TMEM44: variants seen among roughly 807,000 people sequenced by gnomAD.
TMEM44 encodes the protein transmembrane protein 44.
TMEM44 carries 43 observed loss-of-function variants against 47.8 expected under a neutral mutation model. The ratio of observed to expected loss-of-function variants is 0.90; its 90% CI spans 0.70 to 1.16. The LOEUF is 1.16. Among genes scored for constraint, TMEM44 ranks in the 50% most tolerant of loss-of-function variants. The pLI is 0.00. For synonymous variants in TMEM44, 277 were observed against 238.8 expected (o/e 1.16, Z -1.48); for missense variants, 568 against 555.2 (o/e 1.02, Z -0.23).
rs59376816 is a variant in TMEM44 at position 194,599,590 on chromosome 3, T to TC, written c.1176+4696_1176+4697insG. 3.5e-3 allele frequency among the ~76,000 whole-genome samples: 477 copies of TC among 137,782 alleles called. 7 individuals are homozygous for TC. The highest frequency in any genetic ancestry group is 0.013 in the African/African-American group (449 of 33,938). 90.4% of individuals were successfully genotyped at this position (137,782 alleles called of 152,430 possible). On this transcript the variant is annotated intron_variant, in intron 9 of 9. Transcript: ENST00000347147. ...TTTTCATTTTCTTTTTCTTTTCTTTTTTTTTTTTTTTTGAGACAGAGTCTC... is the reference window on the plus strand; with the variant it reads ...TTTTCATTTTCTTTTTCTTTTCTTTTCTTTTTTTTTTTTGAGACAGAGTCTC...
chr3:194,610,917 T>C lies in TMEM44; in HGVS notation c.1016A>G (p.Gln339Arg), dbSNP rs185040860. 2.4e-4 allele frequency: 388 copies of C among 1,613,170 alleles called. 3 individuals are homozygous for C. In the African/African-American group the frequency reaches 4.8e-3, roughly 20 times the overall value. Residue 339 changes from glutamine (Q) to arginine (R), a missense_variant and splice_region_variant, in exon 8 of 10, where the codon CAG (glutamine) becomes CGG (arginine). Transcript: ENST00000347147. ...YMELTIEPVQQAGCSATRLPG... is the reference protein window; with the variant it reads ...YMELTIEPVQRAGCSATRLPG... ...TGGCCATGACCGATGGCCACTCACCTGCTGCACAGGCTCGATGGTCAGCTC... is the reference window on the plus strand; with the variant it reads ...TGGCCATGACCGATGGCCACTCACCCGCTGCACAGGCTCGATGGTCAGCTC...
chr3:194,633,267 C>T lies in TMEM44; in HGVS notation c.-52G>A. ...CCGGGGACCTGGGCGCAGCCTCCCT[C>T]GCCGCGGGCAAGCCCCGAGCGCCGC... On this transcript the variant is annotated 5_prime_UTR_variant, in exon 1 of 10. Transcript: ENST00000347147. 1 of 1,008,822 alleles carries T rather than the reference C, an allele frequency of 9.9e-7. No homozygotes were observed. The highest frequency in any genetic ancestry group is 6.2e-5 in the East Asian group (1 of 16,002). 62.5% of individuals were successfully genotyped at this position (1,008,822 alleles called of 1,614,324 possible). A position where few individuals can be genotyped will look rare whatever the true frequency, so the allele number is the denominator to read the frequency against.
Position 194,623,206 on chromosome 3 carries a change from C to T in TMEM44, c.612+18G>A, listed in dbSNP as rs753084529. On this transcript the variant is annotated intron_variant, in intron 5 of 9. Transcript: ENST00000347147. ...ACTGTCATGTGACCCACAGTCCCAT[C>T]CCCACCCCCGGCCTCACAATTCTGG... 6.3e-7 allele frequency: 1 copy of T among 1,594,382 alleles called. No individual in the cohort carries two copies. Among genetic ancestry groups the T allele is most frequent in the Non-Finnish European group, 8.5e-7 (1 of 1,169,796 alleles).
intron 7 of TMEM44, among the ~76,000 whole-genome samples, chr3:194,614,156 A>C (rs1265171198): frequency 6.6e-6 from 1 of 152,010 alleles, no homozygotes; most frequent in Admixed American, 6.6e-5. Context: ...AAAACAAAAA[A>C]CCAAAAAAAC....
intron 5 of TMEM44, chr3:194,622,875 C>T: frequency 4.0e-6 from 1 of 249,444 alleles, no homozygotes; most frequent in Non-Finnish European, 7.7e-6. Flanking sequence ...TACACAGAAC[C>T]TCACACCTGG....
intron 5 of TMEM44, 157 bp from the exon 6 acceptor site, chr3:194,617,426 T>G: frequency 4.4e-6 from 4 of 901,496 alleles, no homozygotes; most frequent in Non-Finnish European, 6.6e-6. Context: ...TCGAGTTGCT[T>G]CTTCTGCCTG....
intron 7 of TMEM44, among the ~76,000 whole-genome samples, chr3:194,613,467 C>T (rs1025346154): frequency 4.0e-5 from 6 of 150,966 alleles, no homozygotes; most frequent in African/African-American, 9.7e-5. Context: ...CATGAGGCAC[C>T]ATGCCTGGCT....
At chr3:194,593,334 A>C (rs534301684) in intron 9 of TMEM44, among the ~76,000 whole-genome samples, 2 of 152,350 alleles carry the variant, frequency 1.3e-5, no homozygotes, top group Non-Finnish European at 2.9e-5. Flanking sequence ...CAATCTATCA[A>C]GATTTAAAAA....
chr3:194,592,226 A>AAC (rs539966114), intron 9 of TMEM44, among the ~76,000 whole-genome samples: 26 of 16,136 alleles, frequency 1.6e-3, no homozygotes, highest in Admixed American at 5.6e-3. Context: ...CTCCGTCTCA[A>AAC]AAAAAAAAAA....
At chr3:194,601,187 A>C (rs1714063907) in intron 9 of TMEM44, among the ~76,000 whole-genome samples, 1 of 146,310 alleles carries the variant, frequency 6.8e-6, no homozygotes, top group African/African-American at 2.6e-5. Context: ...TCTTTCACCC[A>C]GCCTGGAGTG....
At chr3:194,612,057 T>TAAAA (rs1553832126) in intron 7 of TMEM44, among the ~76,000 whole-genome samples, 19 of 135,930 alleles carry the variant, frequency 1.4e-4, no homozygotes, top group Non-Finnish European at 2.5e-4. Context: ...AATAAATAAA[T>TAAAA]AAAATACAGA....
intron 9 of TMEM44, among the ~76,000 whole-genome samples, chr3:194,602,948 C>T (rs1383315966): frequency 2.0e-5 from 3 of 152,216 alleles, no homozygotes; most frequent in African/African-American, 7.2e-5. Context: ...CCAACTACTG[C>T]TTACTATTAC....
At chr3:194,597,496 T>TA (rs1159405304) in intron 9 of TMEM44, among the ~76,000 whole-genome samples, 1 of 151,834 alleles carries the variant, frequency 6.6e-6, no homozygotes, top group East Asian at 1.9e-4. Flanking sequence ...CCATCTCTAC[T>TA]AAAAATACAA....
At chr3:194,624,128 G>C (rs563438197) in intron 3 of TMEM44, among the ~76,000 whole-genome samples, 1 of 152,306 alleles carries the variant, frequency 6.6e-6, no homozygotes, top group East Asian at 1.9e-4. Context: ...AACTGTGCGC[G>C]GGACAAACAG....
At chr3:194,618,325 C>A (rs974694809) in intron 5 of TMEM44, among the ~76,000 whole-genome samples, 2 of 151,642 alleles carry the variant, frequency 1.3e-5, no homozygotes, top group African/African-American at 2.4e-5. Context: ...ATGTAAGCAG[C>A]CTTTATATAC....
At chr3:194,594,037 C>G (rs1713072021) in intron 9 of TMEM44, among the ~76,000 whole-genome samples, 1 of 152,064 alleles carries the variant, frequency 6.6e-6, no homozygotes, top group Non-Finnish European at 1.5e-5. Context: ...GTCTTGAACT[C>G]CTGAGCTCAA....
intron 5 of TMEM44, among the ~76,000 whole-genome samples, chr3:194,620,552 G>A (rs1171992505): frequency 6.6e-6 from 1 of 152,200 alleles, no homozygotes; most frequent in Non-Finnish European, 1.5e-5. Context: ...TGCCCACAAG[G>A]TGTTAACATT....
rs368934218 is a variant in TMEM44, at chr3:194,633,189, G to A, written c.27C>T (p.Pro9=). MGEAPSPA[P]ALWDWDYLDR... is the part of the protein sequence containing the mutation. ...CCAGGTAGTCCCAGTCCCAGAGCGC[G>A]GGCGCGGGGCTGGGCGCCTCCCCCA... is the stretch of plus-strand genomic sequence containing the variant. The change falls in exon 1 of 10, where the codon CCC becomes CCT. Residue 9 remains proline, a synonymous_variant. Transcript: ENST00000347147. 3.3e-6 allele frequency: 5 copies of A among 1,528,060 alleles called. No homozygotes were observed. The highest frequency in any genetic ancestry group is 2.0e-5 in the Admixed American group (1 of 49,492). The allele number at this position is 1,528,060 out of a possible 1,614,324, so 94.7% of individuals were successfully genotyped here.
chr3:194,625,310 G>A (rs542783018), intron 3 of TMEM44, among the ~76,000 whole-genome samples: 1 of 152,248 alleles, frequency 6.6e-6, no homozygotes, highest in Admixed American at 6.5e-5. Flanking sequence ...CCCTGCCTGT[G>A]GCCCCAGCTC....
Sources: gnomAD v4.1 joint callset for allele counts (sites outside exome capture counted in the v4.1 genomes callset) on GRCh38, gnomAD v4.1.1 for gene constraint, MANE v1.5 for transcripts, NCBI Gene and HGNC (gene_info 2026-07-23, HGNC 2026-07-21) for gene names.